The following HPS3 variants were observed in gnomAD, a reference collection of about 807,000 sequenced individuals.
HPS3 encodes the protein HPS3 biogenesis of lysosomal organelles complex 2 subunit 1.
A neutral mutation model predicts 110.9 loss-of-function variants in HPS3; 79 were observed. The observed-to-expected ratio is 0.71, with a 90% CI of 0.59 to 0.86. The LOEUF (loss-of-function observed/expected upper bound fraction) is 0.86, where lower values mean the gene tolerates loss of function less well. HPS3 is among the 40% of genes least tolerant of loss of function. The pLI is 0.00. For missense variants in HPS3, 1,197 were observed against 1,206.2 expected (o/e 0.99, Z 0.11); for synonymous variants, 428 against 451.0 (o/e 0.95, Z 0.65).
In HPS3 at chr3:149,160,182, G is replaced by A. The variant is rs1444825722; in HGVS notation, c.2009G>A (p.Gly670Glu). Residue 670 changes from glycine (G) to glutamate (E), a missense_variant, in exon 11 of 17, where the codon GGG becomes GAG. Physicochemically the swap from Gly to Glu is moderately conservative, Grantham distance 98 (BLOSUM62 -2). Coordinates refer to ENST00000296051, the MANE Select transcript of HPS3 (RefSeq NM_032383.5). ...MSYLRKLDTS[G>E]FSSILVTLTK... The stretch of plus-strand genomic sequence containing the variant: ...TATCTAAGGAAGCTGGATACTTCTG[G>A]GTTTTCATCGATCTTAGTGACATTG... 3 of 1,613,876 alleles carry A rather than the reference G, an allele frequency of 1.9e-6. No homozygotes were observed. The highest frequency in any genetic ancestry group is 2.5e-6 in the Non-Finnish European group (3 of 1,179,858).
At chr3:149,148,023 G>C (rs564770406) in intron 5 of HPS3, among the ~76,000 whole-genome samples, 43 of 151,830 alleles carry the variant, frequency 2.8e-4, no homozygotes, top group African/African-American at 9.9e-4. Flanking sequence ...GGCACCTGCC[G>C]CCATGCCCGA....
rs532071769 is a variant in HPS3, at chr3:149,149,161, C to T, written c.1164-1438C>T. ...TGTATTTTTAGTAGAGACGGGGTTTCACTGTGTTAGCCAGGGTGGTCTCGA... is the reference window on the plus strand; with the variant it reads ...TGTATTTTTAGTAGAGACGGGGTTTTACTGTGTTAGCCAGGGTGGTCTCGA... On this transcript the variant is annotated intron_variant, in intron 5 of 16. Transcript: ENST00000296051. Among the ~76,000 whole-genome samples the T allele has an allele frequency of 1.1e-4, 17 of 148,228 alleles. No individual in the cohort carries two copies. The South Asian group carries it at 2.8e-3, about 25-fold the overall frequency.
chr3:149,140,260 A>G lies in HPS3; in HGVS notation c.474A>G (p.Leu158=). The G allele has an allele frequency of 6.2e-7, 1 of 1,614,182 alleles. No homozygotes were observed. Among genetic ancestry groups the G allele is most frequent in the Middle Eastern group, 1.6e-4 (1 of 6,062 alleles). The change falls in exon 2 of 17, where the codon TTA becomes TTG. Residue 158 remains leucine, a synonymous_variant. Coordinates refer to ENST00000296051, the MANE Select transcript of HPS3 (RefSeq NM_032383.5). ...LLVGCTNKLV[L]FSLKYQIINE... ...TTGGCTGCACAAATAAATTAGTCTT[A>G]TTTAGTTTGAAGTACCAGATCATTA...
Position 149,129,775 on chromosome 3 carries a change from T to G in HPS3, c.52T>G (p.Cys18Gly). The change falls in exon 1 of 17, where the codon TGC (cysteine) becomes GGC (glycine). Residue 18 changes from cysteine (C) to glycine (G), a missense_variant. Coordinates refer to ENST00000296051, the MANE Select transcript of HPS3 (RefSeq NM_032383.5). ...HPFGSQQVVPCKLEPDRFCGG... is the reference protein window; with the variant it reads ...HPFGSQQVVPGKLEPDRFCGG... ...GTTCGGGTCGCAGCAGGTGGTGCCC[T>G]GCAAGCTGGAGCCGGACCGGTTCTG... 6.2e-7 allele frequency: 1 copy of G among 1,608,674 alleles called. No homozygotes were observed. The highest frequency in any genetic ancestry group is 8.5e-7 in the Non-Finnish European group (1 of 1,179,020).
intron 1 of HPS3, among the ~76,000 whole-genome samples, chr3:149,133,212 G>C (rs551772414): frequency 6.6e-6 from 1 of 152,320 alleles, no homozygotes; most frequent in Non-Finnish European, 1.5e-5. Context: ...CTATCAAATA[G>C]CATTGCATGC....
chr3:149,139,129 A>T (rs1722285101), intron 1 of HPS3, among the ~76,000 whole-genome samples: 1 of 152,246 alleles, frequency 6.6e-6, no homozygotes, highest in Admixed American at 6.5e-5. Context: ...AATGCTTATC[A>T]GTAAGGGAAT....
In HPS3 at chr3:149,153,593, A is replaced by G; in HGVS notation, c.1345A>G (p.Thr449Ala). 1 of 1,614,194 alleles carries G rather than the reference A, an allele frequency of 6.2e-7. No homozygotes were observed. Among genetic ancestry groups the G allele is most frequent in the Non-Finnish European group, 8.5e-7 (1 of 1,180,016 alleles). ...CTTTAAAAACCACATCATACTTTTGACTAAAGCAGAACCTGAAGCCATTCC... is the reference window on the plus strand; with the variant it reads ...CTTTAAAAACCACATCATACTTTTGGCTAAAGCAGAACCTGAAGCCATTCC... ...CHFKNHIILL[T>A]KAEPEAIPER... Residue 449 changes from threonine (T) to alanine (A), a missense_variant, in exon 7 of 17, where the codon ACT becomes GCT. Coordinates refer to ENST00000296051, the MANE Select transcript of HPS3 (RefSeq NM_032383.5).
rs1723365449 is a variant in HPS3, at chr3:149,155,126, G to A, written c.1420G>A (p.Val474Ile). 1 of 1,603,206 alleles carries A rather than the reference G, an allele frequency of 6.2e-7. No homozygotes were observed. The stretch of plus-strand genomic sequence containing the variant: ...TTTTAGTTCGAGAAAAGATACCAGT[G>A]TTAAAATCAAAATACCTCCTGTAGC... ...KRLLSRKDTSVKIKIPPVAEA... is the reference protein window; with the variant it reads ...KRLLSRKDTSIKIKIPPVAEA... The change falls in exon 8 of 17, where the codon GTT (valine) becomes ATT (isoleucine). Residue 474 changes from valine to isoleucine, a missense_variant. By Grantham distance (29) the Val-to-Ile change is conservative. Transcript: ENST00000296051.
At chr3:149,144,214 GAAAA>G (rs59146279) in intron 4 of HPS3, among the ~76,000 whole-genome samples, 3,155 of 123,616 alleles carry the variant, frequency 0.026, 55 homozygotes, top group Middle Eastern at 0.043. Flanking sequence ...GTCTCTACTA[GAAAA>G]AAAAAAAAAA....
chr3:149,142,607 A>G (rs183505309), intron 4 of HPS3, among the ~76,000 whole-genome samples: 1 of 152,250 alleles, frequency 6.6e-6, no homozygotes, highest in African/African-American at 2.4e-5. Context: ...GATGTTATCT[A>G]GAGAAAGATA....
chr3:149,157,563 A>G (rs1723534256), intron 9 of HPS3, 32 bp downstream of exon 9: 1 of 1,603,928 alleles, frequency 6.2e-7, no homozygotes, highest in Non-Finnish European at 8.5e-7. Context: ...CTTGTTACAG[A>G]AGTCATCTTG....
chr3:149,145,407 C>T lies in HPS3; in HGVS notation c.1024C>T (p.Leu342Phe), dbSNP rs1407804657. The T allele has an allele frequency of 6.2e-7, 1 of 1,614,052 alleles. No individual in the cohort carries two copies. The highest frequency in any genetic ancestry group is 1.3e-5 in the African/African-American group (1 of 75,022). ...GTCTCAGGAAAAAGAATTGCTGAGT[C>T]TCTTTTGCTTTTTCTCCTTACCTCA... ...NLSQEKELLS[L>F]FCFFSLPHVG... The change falls in exon 5 of 17, where the codon CTC becomes TTC. Residue 342 changes from leucine (L) to phenylalanine (F), a missense_variant. Physicochemically the swap from Leu to Phe is conservative, Grantham distance 22 (BLOSUM62 0). Transcript: ENST00000296051.
In HPS3 at chr3:149,167,896, CTG is replaced by C; in HGVS notation, c.2803_2804del (p.Trp935ValfsTer7). On this transcript the variant is annotated frameshift_variant, in exon 16 of 17. Transcript: ENST00000296051. LOFTEE classifies it high-confidence loss of function. ...TATTCATTTTTTCCTAAGATAGACT[CTG>C]TGGTGGAAAAAACTGTTGCCTGAAC... is the stretch of plus-strand genomic sequence containing the variant. Reference protein sequence around the residue: ...NHELKEENRTLWWKKLLPELC... With the variant: ...NHELKEENRTXWWKKLLPELC... 6.3e-7 allele frequency: 1 copy of C among 1,582,504 alleles called. No homozygotes were observed. Among genetic ancestry groups the C allele is most frequent in the Non-Finnish European group, 8.7e-7 (1 of 1,151,358 alleles).
intron 4 of HPS3, among the ~76,000 whole-genome samples, chr3:149,142,220 G>C (rs1302074183): frequency 2.0e-5 from 3 of 152,192 alleles, no homozygotes; most frequent in Non-Finnish European, 4.4e-5. Context: ...CATGGAGAAG[G>C]CATGACAGAC....
At chr3:149,171,698 CTTTTTTTT>C (rs1170000443) in intron 16 of HPS3, among the ~76,000 whole-genome samples, 1 of 118,254 alleles carries the variant, frequency 8.5e-6, no homozygotes, top group African/African-American at 3.2e-5. Context: ...GAACTGGCTT[CTTTTTTTT>C]TTTTTTTTTT....
Position 149,158,691 on chromosome 3 carries a change from A to C in HPS3, c.1717A>C (p.Thr573Pro). The C allele has an allele frequency of 6.2e-7, 1 of 1,613,508 alleles. No individual in the cohort carries two copies. Among genetic ancestry groups the C allele is most frequent in the Non-Finnish European group, 8.5e-7 (1 of 1,179,714 alleles). Residue 573 changes from threonine (T) to proline (P), a missense_variant, in exon 10 of 17, where the codon ACC becomes CCC. Transcript: ENST00000296051. ...GCTTGACTCCCAGCATTCTCATCTC[A>C]CCTTGCCATACTATAAGATGTCTGG... ...SRLDSQHSHLTLPYYKMSGLS... is the reference protein window; with the variant it reads ...SRLDSQHSHLPLPYYKMSGLS...
intron 16 of HPS3, among the ~76,000 whole-genome samples, chr3:149,169,791 T>A (rs1368163606): frequency 1.3e-5 from 2 of 152,236 alleles, no homozygotes; most frequent in Non-Finnish European, 2.9e-5. Context: ...ACCAGGCTTA[T>A]TTTTTAAAAT....
At position 149,140,390 on chromosome 3, in the gene HPS3, T is replaced by C; in HGVS notation, c.604T>C (p.Ser202Pro). The C allele has an allele frequency of 1.2e-6, 2 of 1,610,510 alleles. No homozygotes were observed. The highest frequency in any genetic ancestry group is 1.7e-6 in the Non-Finnish European group (2 of 1,177,956). ...TTGTGTTGGATATGTTGCTGTCATG[T>C]CAGACTTAGAAGTCTTAATCGTAAA... is the stretch of plus-strand genomic sequence containing the variant. Reference protein sequence around the residue: ...SFCVGYVAVMSDLEVLIVKLE... With the variant: ...SFCVGYVAVMPDLEVLIVKLE... Residue 202 changes from serine to proline, a missense_variant, in exon 2 of 17, where the codon TCA becomes CCA. Transcript: ENST00000296051.
chr3:149,132,666 C>G (rs1239243528), intron 1 of HPS3, among the ~76,000 whole-genome samples: 1 of 152,206 alleles, frequency 6.6e-6, no homozygotes, highest in African/African-American at 2.4e-5. Flanking sequence ...TTTTGACTTT[C>G]AAGTCTCATT....
Sources: gnomAD v4.1 joint callset for allele counts (sites outside exome capture counted in the v4.1 genomes callset) on GRCh38, gnomAD v4.1.1 for gene constraint, MANE v1.5 for transcripts, NCBI Gene and HGNC (gene_info 2026-07-23, HGNC 2026-07-21) for gene names.